KIN: variants seen among roughly 807,000 people sequenced by gnomAD.
The protein encoded by KIN is DNA/RNA-binding protein KIN17.
A neutral mutation model predicts 63.0 loss-of-function variants in KIN; 47 were observed. That is an observed-to-expected ratio of 0.75 (90% CI 0.59 to 0.95). KIN has a LOEUF of 0.95. KIN is among the 40% of genes least tolerant of loss of function. KIN has a pLI of 0.00. For missense variants in KIN, 408 were observed against 460.9 expected, an observed-to-expected ratio of 0.89 and a Z score of 1.05; for synonymous variants, 160 against 157.7, an observed-to-expected ratio of 1.01 and a Z score of -0.11.
intron 7 of KIN, among the ~76,000 whole-genome samples, chr10:7,770,754 A>G (rs1835650707): frequency 6.6e-6 from 1 of 152,210 alleles, no homozygotes; most frequent in Non-Finnish European, 1.5e-5. Context: ...GCTATCATGG[A>G]GCTAACCAAG....
chr10:7,768,514 G>C (rs1835597668), intron 8 of KIN, among the ~76,000 whole-genome samples: 1 of 151,180 alleles, frequency 6.6e-6, no homozygotes, highest in Non-Finnish European at 1.5e-5. Flanking sequence ...AACAGAGAGA[G>C]ACTGTCTCAA....
intron 12 of KIN, among the ~76,000 whole-genome samples, chr10:7,759,553 C>T (rs1284338996): frequency 6.6e-6 from 1 of 152,072 alleles, no homozygotes; most frequent in East Asian, 1.9e-4. Context: ...ACCTATTACA[C>T]ACACTTTCAT....
intron 7 of KIN, among the ~76,000 whole-genome samples, chr10:7,772,752 A>G (rs1835692589): frequency 6.6e-6 from 1 of 152,074 alleles, no homozygotes; most frequent in African/African-American, 2.4e-5. Context: ...AACATAGATA[A>G]CTTATCAAAT....
At chr10:7,756,768 A>C (rs1166439533) in intron 12 of KIN, among the ~76,000 whole-genome samples, 1 of 47,066 alleles carries the variant, frequency 2.1e-5, no homozygotes, top group Non-Finnish European at 4.7e-5. Flanking sequence ...TTTTGTAAGC[A>C]TTACGATACT....
intron 1 of KIN, 125 bp downstream of exon 1, chr10:7,787,695 C>CT (rs1836054558): frequency 4.0e-6 from 3 of 743,300 alleles, no homozygotes; most frequent in Non-Finnish European, 7.1e-6. Flanking sequence ...CACTGCAGAC[C>CT]TCAGAAGCCT....
At position 7,751,902 on chromosome 10, in the gene KIN, G is replaced by T. The variant is rs1250769970; in HGVS notation, c.*4178C>A. On this transcript the variant is annotated 3_prime_UTR_variant, in exon 13 of 13. Coordinates refer to ENST00000379562, the MANE Select transcript of KIN (RefSeq NM_012311.4). ...TACAAAAAATTAGCCGGGCGCGGTGGCGGGCGCCTGTAGTCCCAGCTACTC... is the reference window on the plus strand; with the variant it reads ...TACAAAAAATTAGCCGGGCGCGGTGTCGGGCGCCTGTAGTCCCAGCTACTC... The T allele has an allele frequency of 3.2e-3, 6 of 1,896 alleles. 3 individuals carry two copies. The highest frequency in any genetic ancestry group is 0.2 in the East Asian group (2 of 10). 0.1% of individuals were successfully genotyped at this position (1,896 alleles called of 1,614,324 possible). A position where few individuals can be genotyped will look rare whatever the true frequency, so the allele number is the denominator to read the frequency against.
intron 9 of KIN, among the ~76,000 whole-genome samples, chr10:7,765,159 CAAAAAAAAAA>C (rs35343111): frequency 3.2e-5 from 3 of 93,304 alleles, no homozygotes; most frequent in Non-Finnish European, 6.4e-5. Flanking sequence ...AACTCCATCT[CAAAAAAAAAA>C]AAAAAAAAAA....
At position 7,753,177 on chromosome 10, in the gene KIN, G is replaced by A. The variant is rs559863286; in HGVS notation, c.*2903C>T. The A allele has an allele frequency of 2.6e-5, 4 of 152,178 alleles. No homozygotes were observed. Among genetic ancestry groups the A allele is most frequent in the Non-Finnish European group, 5.9e-5 (4 of 68,024 alleles). 9.4% of individuals were successfully genotyped at this position (152,178 alleles called of 1,614,324 possible). The stretch of plus-strand genomic sequence containing the variant: ...CTCTATCAAGTTCTACAGACTCAGA[G>A]GGAAAAAACTACTGTGAAGTCTATA... On this transcript the variant is annotated 3_prime_UTR_variant, in exon 13 of 13. Coordinates refer to ENST00000379562, the MANE Select transcript of KIN (RefSeq NM_012311.4).
At chr10:7,783,820 A>T (rs560367117) in intron 1 of KIN, among the ~76,000 whole-genome samples, 67 of 152,174 alleles carry the variant, frequency 4.4e-4, no homozygotes, top group African/African-American at 1.6e-3. Flanking sequence ...CACCCAAGCC[A>T]TGAAACCAGA....
At chr10:7,771,876 C>T (rs915355846) in intron 7 of KIN, among the ~76,000 whole-genome samples, 5 of 118,552 alleles carry the variant, frequency 4.2e-5, no homozygotes, top group Non-Finnish European at 8.5e-5. Context: ...GCCTGGGCAA[C>T]AAGAGCGAAA....
chr10:7,759,908 A>G lies in KIN; in HGVS notation c.1101T>C (p.Ala367=). 1.3e-6 allele frequency: 2 copies of G among 1,540,904 alleles called. No individual in the cohort carries two copies. Among genetic ancestry groups the G allele is most frequent in the Non-Finnish European group, 1.8e-6 (2 of 1,125,574 alleles). ...LESINEKTFS[A]TIVIETGPLK... ...AACTTACAGTTTCAATGACGATAGT[A>G]GCTGAAAAAGTCTTCTCATTGATGG... is the stretch of plus-strand genomic sequence containing the variant. The change falls in exon 12 of 13, where the codon GCT becomes GCC. Residue 367 remains alanine, a synonymous_variant. Transcript: ENST00000379562.
chr10:7,787,343 C>T (rs1293601094), intron 1 of KIN, among the ~76,000 whole-genome samples: 2 of 152,142 alleles, frequency 1.3e-5, no homozygotes, highest in African/African-American at 4.8e-5. Flanking sequence ...ATTCTGTGCC[C>T]GGTACAGTGT....
chr10:7,774,940 A>C (rs1279063201), intron 6 of KIN, 49 bp from the exon 7 acceptor site: 2 of 1,346,202 alleles, frequency 1.5e-6, no homozygotes, highest in Non-Finnish European at 2.1e-6. Flanking sequence ...GAAAATCATA[A>C]TAAAACTTCT....
In KIN at chr10:7,780,154, A is replaced by G; in HGVS notation, c.278T>C (p.Ile93Thr). The change falls in exon 4 of 13, where the codon ATT becomes ACT. Residue 93 changes from isoleucine to threonine, a missense_variant. Ile to Thr is a moderately conservative substitution (Grantham distance 89). Transcript: ENST00000379562. ...GTGGCTGATGTATTCGTTGTAGACA[A>G]TGTTGTTGTGGACCCTTTTAGTGCC... ...RFGTKRVHNN[I>T]VYNEYISHRE... The G allele has an allele frequency of 1.9e-6, 3 of 1,613,940 alleles. No homozygotes were observed. The highest frequency in any genetic ancestry group is 2.5e-6 in the Non-Finnish European group (3 of 1,179,920).
intron 11 of KIN, among the ~76,000 whole-genome samples, chr10:7,761,991 A>G (rs1280599107): frequency 6.6e-6 from 1 of 152,158 alleles, no homozygotes; most frequent in African/African-American, 2.4e-5. Context: ...ACAGAGTGAA[A>G]CTGTGTCTCA....
intron 5 of KIN, among the ~76,000 whole-genome samples, chr10:7,777,559 A>G (rs1228831440): frequency 6.6e-6 from 1 of 152,206 alleles, no homozygotes. Flanking sequence ...AGTTTCACAT[A>G]CACACCAGGC....
At chr10:7,774,121 G>A (rs377675074) in intron 7 of KIN, among the ~76,000 whole-genome samples, 3 of 152,292 alleles carry the variant, frequency 2.0e-5, no homozygotes, top group South Asian at 2.1e-4. Flanking sequence ...CAGTTATTGT[G>A]ACAAAGACAT....
At chr10:7,787,387 G>C (rs552191209) in intron 1 of KIN, among the ~76,000 whole-genome samples, 1 of 152,302 alleles carries the variant, frequency 6.6e-6, no homozygotes, top group African/African-American at 2.4e-5. Context: ...GATGAGTAGT[G>C]TGGAAGAGCT....
rs78238909 is a variant in KIN at position 7,759,829 on chromosome 10, A to G, written c.1119+61T>C. On this transcript the variant is annotated intron_variant, in intron 12 of 12. Coordinates refer to ENST00000379562, the MANE Select transcript of KIN (RefSeq NM_012311.4). ...TAAAATAAAGAACAATCCAATTAAA[A>G]AAAACTATGGCACATTTTTAAAGCA... The G allele has an allele frequency of 5.4e-4, 467 of 869,760 alleles. 2 individuals carry two copies. The African/African-American group carries it at 7.0e-3, about 13-fold the overall frequency. 53.9% of individuals were successfully genotyped at this position (869,760 alleles called of 1,614,324 possible).
Sources: allele counts gnomAD v4.1 joint callset (sites outside exome capture counted in the v4.1 genomes callset), GRCh38; gene constraint gnomAD v4.1.1; transcripts MANE v1.5; gene names NCBI Gene and HGNC (gene_info 2026-07-23, HGNC 2026-07-21).